GRIN2A: variants seen among roughly 807,000 people sequenced by gnomAD.
GRIN2A encodes the protein glutamate ionotropic receptor NMDA type subunit 2A, also known as glutamate receptor ionotropic, NMDA 2A.
A neutral mutation model predicts 113.4 loss-of-function variants in GRIN2A; 22 were observed. The observed-to-expected ratio is 0.19, with a 90% confidence interval of 0.14 to 0.28. GRIN2A has a LOEUF of 0.28. GRIN2A is among the 10% of genes least tolerant of loss of function. GRIN2A has a pLI of 1.00. For synonymous variants in GRIN2A, 827 were observed against 738.4 expected, an observed-to-expected ratio of 1.12 and a Z score of -1.94; for missense variants, 1,502 against 1,887.0, an observed-to-expected ratio of 0.80 and a Z score of 3.78.
intron 3 of GRIN2A, among the ~76,000 whole-genome samples, chr16:9,919,649 G>A (rs1025060956): frequency 6.6e-6 from 1 of 152,320 alleles, no homozygotes. Context: ...ACTTGGGCAA[G>A]CTCAGAGGTC....
intron 11 of GRIN2A, among the ~76,000 whole-genome samples, chr16:9,797,030 T>A (rs1596419546): frequency 6.6e-6 from 1 of 152,232 alleles, no homozygotes; most frequent in East Asian, 1.9e-4. Flanking sequence ...AGGATTTAAC[T>A]CTGTGAATAG....
chr16:9,762,688 G>A lies in GRIN2A; in HGVS notation c.*461C>T, dbSNP rs1247545825. 3.5e-6 allele frequency: 1 copy of A among 288,668 alleles called. No homozygotes were observed. Among genetic ancestry groups the A allele is most frequent in the African/African-American group, 2.1e-5 (1 of 46,620 alleles). The allele number at this position is 288,668 out of a possible 1,614,324, so 17.9% of individuals were successfully genotyped here. A position where few individuals can be genotyped will look rare whatever the true frequency, so the allele number is the denominator to read the frequency against. On this transcript the variant is annotated 3_prime_UTR_variant, in exon 13 of 13. Transcript: ENST00000330684. ...CTACAGTGCAGATGCATTCTTAACT[G>A]TTTTTATTTTGTCTGTGTCAGGTTT...
In GRIN2A at chr16:10,166,756, C is replaced by T. The variant is rs565227807; in HGVS notation, c.414+13242G>A. On this transcript the variant is annotated intron_variant, in intron 2 of 12. Coordinates refer to ENST00000330684, the MANE Select transcript of GRIN2A (RefSeq NM_001134407.3). ...AACACACTGCATGCGTCTACCTATACGCAAATTTCTTCTCCCTCTGCCAAC... is the reference window on the plus strand; with the variant it reads ...AACACACTGCATGCGTCTACCTATATGCAAATTTCTTCTCCCTCTGCCAAC... Among the ~76,000 whole-genome samples the T allele has an allele frequency of 5.9e-5, 9 of 152,274 alleles. No homozygotes were observed. In the South Asian group the frequency reaches 1.5e-3, roughly 25 times the overall value.
intron 9 of GRIN2A, among the ~76,000 whole-genome samples, chr16:9,823,416 G>T (rs1170724210): frequency 6.6e-6 from 1 of 152,132 alleles, no homozygotes; most frequent in African/African-American, 2.4e-5. Context: ...CCACCATGAA[G>T]ATCTCAACAT....
Position 9,764,005 on chromosome 16 carries a change from T to C in GRIN2A, c.3539A>G (p.Asn1180Ser), listed in dbSNP as rs972229279. The change falls in exon 13 of 13, where the codon AAC becomes AGC. Residue 1180 changes from asparagine to serine, a missense_variant. By Grantham distance (46) the Asn-to-Ser change is conservative. This residue lies in a region of GRIN2A where 832 missense variants were observed against 789.7 expected (regional missense o/e 1.05). Transcript: ENST00000330684. ...GGAGTAGAGTTTATACTGGTCGTTG[T>C]TGGAAAGCCCCTCTTCATTATGCAA... The part of the protein sequence containing the change: ...NPLHNEEGLS[N>S]NDQYKLYSKH... 3.7e-6 allele frequency: 6 copies of C among 1,614,042 alleles called. No individual in the cohort carries two copies. The African/African-American group carries it at 4.0e-5, about 11-fold the overall frequency.
chr16:10,077,257 T>C (rs2047890386), intron 2 of GRIN2A, among the ~76,000 whole-genome samples: 1 of 152,224 alleles, frequency 6.6e-6, no homozygotes, highest in Admixed American at 6.5e-5. Context: ...TGATGTGCTT[T>C]AAGCCACTGT....
At chr16:10,143,924 C>T (rs956795438) in intron 2 of GRIN2A, among the ~76,000 whole-genome samples, 11 of 152,070 alleles carry the variant, frequency 7.2e-5, no homozygotes, top group Non-Finnish European at 1.6e-4. Flanking sequence ...CACTATCACG[C>T]CACTGTATTC....
rs535819996 is a variant in GRIN2A at position 10,011,442 on chromosome 16, T to G, written c.415-72891A>C. ...AATATTCTATTTCCTTTTGCCTTGG[T>G]GGGTCCATCAGTCTACGTGTCTACT... On this transcript the variant is annotated intron_variant, in intron 2 of 12. Coordinates refer to ENST00000330684, the MANE Select transcript of GRIN2A (RefSeq NM_001134407.3). Among the ~76,000 whole-genome samples, 4 of 152,260 alleles carry G rather than the reference T, an allele frequency of 2.6e-5. No homozygotes were observed. In the East Asian group the frequency reaches 7.7e-4, roughly 29 times the overall value.
chr16:10,044,806 G>A (rs1206715553), intron 2 of GRIN2A, among the ~76,000 whole-genome samples: 1 of 151,910 alleles, frequency 6.6e-6, no homozygotes, highest in Non-Finnish European at 1.5e-5. Flanking sequence ...TAGACTGTAA[G>A]TTACCAAGGG....
intron 5 of GRIN2A, 86 bp from the exon 6 acceptor site, chr16:9,841,190 A>G: frequency 8.5e-7 from 1 of 1,180,678 alleles, no homozygotes; most frequent in Non-Finnish European, 1.3e-6. Context: ...CCTATTTTTC[A>G]GATGAGTAAA....
intron 10 of GRIN2A, among the ~76,000 whole-genome samples, chr16:9,803,942 G>GC (rs2041914792): frequency 1.3e-5 from 2 of 152,196 alleles, no homozygotes; most frequent in Non-Finnish European, 2.9e-5. Context: ...GACAGAAGAG[G>GC]CAAGGATGGG....
chr16:9,857,186 C>T lies in GRIN2A; in HGVS notation c.1123-7225G>A, dbSNP rs527487589. The stretch of plus-strand genomic sequence containing the variant: ...AAGAAAGTGTCCTAGTCAAGAGGAG[C>T]CTAAGGCAATATTACAATTACATGT... On this transcript the variant is annotated intron_variant, in intron 4 of 12. Coordinates refer to ENST00000330684, the MANE Select transcript of GRIN2A (RefSeq NM_001134407.3). 9.2e-5 allele frequency among the ~76,000 whole-genome samples: 14 copies of T among 152,046 alleles called. No individual in the cohort carries two copies. The East Asian group carries it at 2.7e-3, about 29-fold the overall frequency.
At chr16:10,064,797 G>C (rs2047615763) in intron 2 of GRIN2A, among the ~76,000 whole-genome samples, 1 of 152,134 alleles carries the variant, frequency 6.6e-6, no homozygotes, top group South Asian at 2.1e-4. Flanking sequence ...ATTACTGTTT[G>C]ATCCCATGGA....
chr16:9,763,892 G>T lies in GRIN2A; in HGVS notation c.3652C>A (p.Leu1218Ile), dbSNP rs1596375400. 1.9e-6 allele frequency: 3 copies of T among 1,614,160 alleles called. No individual in the cohort carries two copies. The highest frequency in any genetic ancestry group is 2.5e-6 in the Non-Finnish European group (3 of 1,180,028). Residue 1218 changes from leucine to isoleucine, a missense_variant, in exon 13 of 13, where the codon CTT (leucine) becomes ATT (isoleucine). Transcript: ENST00000330684. ...CCTGAATAGGTGGGCATGTTGGAAA[G>T]GCAGCTTCTGCAGTGCGTGGAGTTC... ...RQNSTHCRSCLSNMPTYSGHF... is the reference protein window; with the variant it reads ...RQNSTHCRSCISNMPTYSGHF...
intron 2 of GRIN2A, among the ~76,000 whole-genome samples, chr16:10,065,502 T>C (rs2047632584): frequency 6.6e-6 from 1 of 152,256 alleles, no homozygotes; most frequent in African/African-American, 2.4e-5. Context: ...GTTGTTTTAA[T>C]GCATGTTTAA....
At chr16:9,987,837 A>T (rs2046008882) in intron 2 of GRIN2A, among the ~76,000 whole-genome samples, 1 of 152,184 alleles carries the variant, frequency 6.6e-6, no homozygotes, top group Admixed American at 6.5e-5. Flanking sequence ...GAGTCAATTT[A>T]ATACATTTCG....
At chr16:9,933,296 C>T (rs1276204225) in intron 3 of GRIN2A, among the ~76,000 whole-genome samples, 1 of 152,022 alleles carries the variant, frequency 6.6e-6, no homozygotes, top group African/African-American at 2.4e-5. Flanking sequence ...GCAAGCAGCC[C>T]CTGGTACCAC....
Position 9,761,498 on chromosome 16 carries a change from A to G in GRIN2A, c.*1651T>C, listed in dbSNP as rs1365879355. The G allele has an allele frequency of 8.7e-6, 2 of 230,068 alleles. No homozygotes were observed. The highest frequency in any genetic ancestry group is 1.7e-5 in the Non-Finnish European group (2 of 116,180). 14.3% of individuals were successfully genotyped at this position (230,068 alleles called of 1,614,324 possible). A position where few individuals can be genotyped will look rare whatever the true frequency, so the allele number is the denominator to read the frequency against. ...TATCCCAAATACTTCAAAAATATTC[A>G]TGTACATGAAATACACTAATTAACA... is the stretch of plus-strand genomic sequence containing the variant. On this transcript the variant is annotated 3_prime_UTR_variant, in exon 13 of 13. Coordinates refer to ENST00000330684, the MANE Select transcript of GRIN2A (RefSeq NM_001134407.3).
Position 9,873,543 on chromosome 16 carries a change from A to C in GRIN2A, c.1122+17443T>G, listed in dbSNP as rs113681095. ...AAGTGAGACACCCCCCATCTCTAAAAAACAACAACAACAACAACAACAAAC... is the reference window on the plus strand; with the variant it reads ...AAGTGAGACACCCCCCATCTCTAAACAACAACAACAACAACAACAACAAAC... On this transcript the variant is annotated intron_variant, in intron 4 of 12. Coordinates refer to ENST00000330684, the MANE Select transcript of GRIN2A (RefSeq NM_001134407.3). Among the ~76,000 whole-genome samples the C allele has an allele frequency of 2.3e-3, 345 of 148,078 alleles. 1 individual carries two copies. Among genetic ancestry groups the C allele is most frequent in the African/African-American group, 8.3e-3 (321 of 38,704 alleles).
Sources: gnomAD v4.1 joint callset for allele counts (sites outside exome capture counted in the v4.1 genomes callset) on GRCh38, gnomAD v4.1.1 for gene constraint, gnomAD v4.1.1 regional missense constraint, MANE v1.5 for transcripts, NCBI Gene and HGNC (gene_info 2026-07-23, HGNC 2026-07-21) for gene names.